The following PALS1 variants were observed in gnomAD, a reference collection of about 807,000 sequenced individuals.
PALS1 encodes the protein protein associated with LIN7 1, MAGUK p55 family member, also known as protein PALS1.
PALS1 carries 31 observed loss-of-function variants against 78.9 expected under a neutral mutation model. That is an observed-to-expected ratio of 0.39 (90% CI 0.30 to 0.53). The LOEUF (loss-of-function observed/expected upper bound fraction) is 0.53. Ranked by LOEUF, PALS1 falls within the 20% of genes least tolerant of loss-of-function variation. PALS1 has a pLI of 0.67. For missense variants in PALS1, 704 were observed against 826.5 expected (o/e 0.85, Z 1.82); for synonymous variants, 276 against 270.9 (o/e 1.02, Z -0.18).
rs1361027718 is a variant in PALS1 at position 67,333,741 on chromosome 14, C to CTCA, written c.*789_*791dup. 6.6e-6 allele frequency: 1 copy of CTCA among 152,492 alleles called. No homozygotes were observed. Among genetic ancestry groups the CTCA allele is most frequent in the Non-Finnish European group, 1.5e-5 (1 of 68,008 alleles). 9.4% of individuals were successfully genotyped at this position (152,492 alleles called of 1,614,324 possible). On this transcript the variant is annotated 3_prime_UTR_variant, in exon 15 of 15. Transcript: ENST00000261681. Reference sequence around the variant, plus strand: ...GATTTACTCACTTAGCTTCCCTTCCCTCATCAGCATAGTATAATAGAATGT... The same window carrying CTCA: ...GATTTACTCACTTAGCTTCCCTTCCCTCATCATCAGCATAGTATAATAGAATGT...
At chr14:67,263,465 T>G (rs950907869) in intron 1 of PALS1, among the ~76,000 whole-genome samples, 2 of 152,178 alleles carry the variant, frequency 1.3e-5, no homozygotes, top group African/African-American at 2.4e-5. Flanking sequence ...TAAAAGAGAA[T>G]CTCTATGAAC....
At chr14:67,313,375 C>T (rs1437449731) in intron 9 of PALS1, among the ~76,000 whole-genome samples, 2 of 152,108 alleles carry the variant, frequency 1.3e-5, no homozygotes. Flanking sequence ...TTTACACAAA[C>T]CTAGATGATA....
intron 4 of PALS1, among the ~76,000 whole-genome samples, chr14:67,293,945 A>G (rs1304297165): frequency 6.6e-6 from 1 of 152,208 alleles, no homozygotes; most frequent in East Asian, 1.9e-4. Context: ...AAGCTGACAC[A>G]CACAATAGAA....
chr14:67,326,277 G>A (rs2085357815), intron 14 of PALS1, among the ~76,000 whole-genome samples: 1 of 57,884 alleles, frequency 1.7e-5, no homozygotes, highest in Non-Finnish European at 3.3e-5. Context: ...GATTCTATAT[G>A]TCACCCAGAC....
Position 67,320,223 on chromosome 14 carries a change from C to T in PALS1, c.1370-7C>T. ...TGTTTGAAGAGCTTAACTTTTTTTTCCCAAAGATTATGACAACGAGGAGAT... is the reference window on the plus strand; with the variant it reads ...TGTTTGAAGAGCTTAACTTTTTTTTTCCAAAGATTATGACAACGAGGAGAT... On this transcript the variant is annotated splice_polypyrimidine_tract_variant and splice_region_variant and intron_variant, in intron 11 of 14. Transcript: ENST00000261681. The T allele has an allele frequency of 1.3e-6, 2 of 1,593,222 alleles. No homozygotes were observed. Among genetic ancestry groups the T allele is most frequent in the South Asian group, 1.1e-5 (1 of 87,288 alleles).
At chr14:67,324,897 ATTTTTTTT>A (rs1197663812) in intron 14 of PALS1, among the ~76,000 whole-genome samples, 1 of 76,336 alleles carries the variant, frequency 1.3e-5, no homozygotes, top group East Asian at 4.4e-4. Flanking sequence ...CCTTCCTTTC[ATTTTTTTT>A]TTTTTTTTTT....
rs1491090879 is a variant in PALS1, at chr14:67,289,768, C to CTTTTTTTTTTTTTTT, written c.368-2743_368-2742insTTTTTTTTTTTTTTT. ...ACATTGGGAAGATTTTTTTCCATGT[C>CTTTTTTTTTTTTTTT]CTTTTTTTTTTTTTTTTTTTTTGAG... On this transcript the variant is annotated intron_variant, in intron 3 of 14. Coordinates refer to ENST00000261681, the MANE Select transcript of PALS1 (RefSeq NM_022474.4). Among the ~76,000 whole-genome samples, 2 of 95,508 alleles carry CTTTTTTTTTTTTTTT rather than the reference C, an allele frequency of 2.1e-5. 1 individual carries two copies. Among genetic ancestry groups the CTTTTTTTTTTTTTTT allele is most frequent in the African/African-American group, 8.3e-5 (2 of 24,024 alleles). 62.7% of individuals were successfully genotyped at this position (95,508 alleles called of 152,430 possible). A position where few individuals can be genotyped will look rare whatever the true frequency, so the allele number is the denominator to read the frequency against.
At chr14:67,294,201 C>T (rs934711191) in intron 4 of PALS1, among the ~76,000 whole-genome samples, 1 of 152,126 alleles carries the variant, frequency 6.6e-6, no homozygotes, top group African/African-American at 2.4e-5. Flanking sequence ...AGTTTGCTTT[C>T]ACGTCCTTAG....
At chr14:67,305,300 A>G (rs1304341299) in intron 8 of PALS1, among the ~76,000 whole-genome samples, 1 of 149,094 alleles carries the variant, frequency 6.7e-6, no homozygotes. Context: ...TTTTTTTTTG[A>G]GGTGGGATCT....
At chr14:67,283,693 TAGTC>T (rs200982441) in intron 3 of PALS1, among the ~76,000 whole-genome samples, 1,831 of 152,342 alleles carry the variant, frequency 0.012, 19 homozygotes, top group Non-Finnish European at 0.018. Context: ...TTCTGTGATT[TAGTC>T]AGGTTGCTAA....
chr14:67,250,564 A>G (rs1038507655), intron 1 of PALS1, among the ~76,000 whole-genome samples: 51 of 152,182 alleles, frequency 3.4e-4, no homozygotes, highest in African/African-American at 1.1e-3. Flanking sequence ...TGTGATTCTG[A>G]TAGTCATCTG....
At chr14:67,269,835 T>C (rs1286448253) in intron 2 of PALS1, 52 bp downstream of exon 2, 1 of 152,628 alleles carries the variant, frequency 6.6e-6, no homozygotes, top group Non-Finnish European at 1.5e-5. Flanking sequence ...CTGACAAAGC[T>C]GTTTCTATGG....
At chr14:67,277,715 T>C (rs557396955) in intron 2 of PALS1, among the ~76,000 whole-genome samples, 1 of 152,322 alleles carries the variant, frequency 6.6e-6, no homozygotes, top group Non-Finnish European at 1.5e-5. Flanking sequence ...GTAAAATATT[T>C]TTATTTTCTA....
chr14:67,276,941 TAAA>T (rs890576363), intron 2 of PALS1, among the ~76,000 whole-genome samples: 3 of 152,206 alleles, frequency 2.0e-5, no homozygotes, highest in Non-Finnish European at 4.4e-5. Flanking sequence ...TTATATTAGT[TAAA>T]AACACATCAT....
chr14:67,250,174 T>A (rs1169323942), intron 1 of PALS1, among the ~76,000 whole-genome samples: 1 of 152,172 alleles, frequency 6.6e-6, no homozygotes, highest in Non-Finnish European at 1.5e-5. Flanking sequence ...CATAATTTCA[T>A]TTAAAATTCA....
chr14:67,288,371 C>T (rs964114960), intron 3 of PALS1, among the ~76,000 whole-genome samples: 1 of 152,064 alleles, frequency 6.6e-6, no homozygotes, highest in African/African-American at 2.4e-5. Flanking sequence ...CATGACCCAC[C>T]GCACCCAGCC....
At chr14:67,315,911 C>T (rs1433192111) in intron 9 of PALS1, among the ~76,000 whole-genome samples, 4 of 152,222 alleles carry the variant, frequency 2.6e-5, no homozygotes, top group African/African-American at 4.8e-5. Context: ...GGTGACAGAG[C>T]GAGACTTCGT....
chr14:67,315,353 T>C (rs1289054491), intron 9 of PALS1, among the ~76,000 whole-genome samples: 1 of 143,292 alleles, frequency 7.0e-6, no homozygotes, highest in Non-Finnish European at 1.5e-5. Context: ...CTCAGCTCAC[T>C]GCAAGCTCCG....
chr14:67,251,383 A>G (rs61990936), intron 1 of PALS1, among the ~76,000 whole-genome samples: 10,587 of 152,168 alleles, frequency 0.07, 541 homozygotes, highest in Non-Finnish European at 0.11. Context: ...AAATACGAAA[A>G]TTAGCTGGAC....
Sources: allele counts gnomAD v4.1 joint callset (sites outside exome capture counted in the v4.1 genomes callset), GRCh38; gene constraint gnomAD v4.1.1; transcripts MANE v1.5; gene names NCBI Gene and HGNC (gene_info 2026-07-23, HGNC 2026-07-21).